ACSS3: variants seen among roughly 807,000 people sequenced by gnomAD.
The protein encoded by ACSS3 is acyl-CoA synthetase short chain family member 3, also known as acyl-CoA synthetase short-chain family member 3, mitochondrial.
In ACSS3, 64 loss-of-function variants were observed where a neutral mutation model predicts 84.2. The observed-to-expected ratio is 0.76, with a 90% confidence interval of 0.62 to 0.94. The LOEUF is 0.94. Among genes scored for constraint, ACSS3 ranks in the 40% least tolerant of loss-of-function variants. The pLI, the probability that ACSS3 is intolerant of heterozygous loss-of-function variation, is 0.00. For missense variants in ACSS3, 815 were observed against 867.6 expected (o/e 0.94, Z 0.76); for synonymous variants, 317 against 310.1 (o/e 1.02, Z -0.23).
rs190831728 is a variant in ACSS3, at chr12:81,142,348, A to C, written c.781-759A>C. 2.1e-4 allele frequency among the ~76,000 whole-genome samples: 32 copies of C among 152,324 alleles called. No homozygotes were observed. The East Asian group carries it at 6.0e-3, about 28-fold the overall frequency. On this transcript the variant is annotated intron_variant, in intron 4 of 15. Coordinates refer to ENST00000548058, the MANE Select transcript of ACSS3 (RefSeq NM_024560.4). ...TCTACTTAAATAGCTGTAATTCCCC[A>C]TCAGAGTAACTTTTCCATCAGCCAC...
chr12:81,253,536 A>C lies in ACSS3; in HGVS notation c.1861A>C (p.Lys621Gln). 6.2e-7 allele frequency: 1 copy of C among 1,613,940 alleles called. No homozygotes were observed. Among genetic ancestry groups the C allele is most frequent in the Non-Finnish European group, 8.5e-7 (1 of 1,179,906 alleles). Residue 621 changes from lysine (K) to glutamine (Q), a missense_variant, in exon 15 of 16, where the codon AAA (lysine) becomes CAA (glutamine). Coordinates refer to ENST00000548058, the MANE Select transcript of ACSS3 (RefSeq NM_024560.4). ...TEEQVLEEIV[K>Q]HVRQNIGPVA... ...GGAGCAAGTTTTGGAAGAAATTGTG[A>C]AACACGTTAGACAGAACATTGGCCC... is the stretch of plus-strand genomic sequence containing the variant.
intron 7 of ACSS3, among the ~76,000 whole-genome samples, chr12:81,166,929 T>C (rs1157108373): frequency 6.6e-6 from 1 of 152,192 alleles, no homozygotes; most frequent in African/African-American, 2.4e-5. Flanking sequence ...GTCTCATTAA[T>C]CACACTGAAT....
intron 1 of ACSS3, among the ~76,000 whole-genome samples, chr12:81,092,788 T>G (rs140026806): frequency 1.8e-4 from 27 of 152,334 alleles, no homozygotes; most frequent in African/African-American, 6.5e-4. Context: ...GGGAAACGTT[T>G]CATCTAGGAA....
intron 10 of ACSS3, among the ~76,000 whole-genome samples, chr12:81,219,440 T>C (rs936960112): frequency 2.0e-5 from 3 of 152,148 alleles, no homozygotes; most frequent in African/African-American, 7.2e-5. Context: ...ATATTTAGTT[T>C]GCACCAAGGG....
At chr12:81,221,884 G>T (rs902101132) in intron 11 of ACSS3, among the ~76,000 whole-genome samples, 1 of 152,132 alleles carries the variant, frequency 6.6e-6, no homozygotes, top group Admixed American at 6.6e-5. Context: ...TCCTAACTTT[G>T]TGAGTCATCT....
rs941459594 is a variant in ACSS3 at position 81,256,456 on chromosome 12, T to C, written c.*1534T>C. 6.6e-6 allele frequency: 1 copy of C among 152,158 alleles called. No homozygotes were observed. Among genetic ancestry groups the C allele is most frequent in the Non-Finnish European group, 1.5e-5 (1 of 68,022 alleles). The allele number at this position is 152,158 out of a possible 1,614,324, so 9.4% of individuals were successfully genotyped here. On this transcript the variant is annotated 3_prime_UTR_variant, in exon 16 of 16. Transcript: ENST00000548058. The stretch of plus-strand genomic sequence containing the variant: ...GATGTAGGAAATTAAATATTTGATT[T>C]ACTTAGGGATCTATATGACATCAGT...
intron 9 of ACSS3, among the ~76,000 whole-genome samples, chr12:81,208,418 C>T (rs556124584): frequency 1.3e-5 from 2 of 152,090 alleles, no homozygotes; most frequent in South Asian, 2.1e-4. Context: ...TTTCCTTTAA[C>T]TTTTGAGTCA....
chr12:81,258,860 A>G lies in ACSS3; in HGVS notation c.*3938A>G, dbSNP rs547112500. On this transcript the variant is annotated 3_prime_UTR_variant, in exon 16 of 16. Coordinates refer to ENST00000548058, the MANE Select transcript of ACSS3 (RefSeq NM_024560.4). ...TGGTTCTTAGTAAAGAAGTTTTTTTATCTTTTTTTTTTTCTTGGTCCACAG... is the reference window on the plus strand; with the variant it reads ...TGGTTCTTAGTAAAGAAGTTTTTTTGTCTTTTTTTTTTTCTTGGTCCACAG... The G allele has an allele frequency of 6.7e-6, 1 of 149,870 alleles. No homozygotes were observed. Among genetic ancestry groups the G allele is most frequent in the South Asian group, 2.1e-4 (1 of 4,808 alleles). 9.3% of individuals were successfully genotyped at this position (149,870 alleles called of 1,614,324 possible).
intron 1 of ACSS3, 56 bp from the exon 2 acceptor site, chr12:81,109,504 A>T (rs1883386361): frequency 1.9e-6 from 3 of 1,558,992 alleles, no homozygotes; most frequent in Non-Finnish European, 2.6e-6. Context: ...AACTTCATTA[A>T]GTGACAATAT....
chr12:81,143,113 G>T lies in ACSS3; in HGVS notation c.787G>T (p.Val263Phe), dbSNP rs148832122. ...TTATATTTTTGCTGTGTAGGAGGCG[G>T]TTCCTTTGGCTCCCGGTCGTGACCT... is the stretch of plus-strand genomic sequence containing the variant. ...LIYNRPNMEAVPLAPGRDLDW... is the reference protein window; with the variant it reads ...LIYNRPNMEAFPLAPGRDLDW... The change falls in exon 5 of 16, where the codon GTT becomes TTT. Residue 263 changes from valine to phenylalanine, a missense_variant. By Grantham distance (50) the Val-to-Phe change is conservative. Transcript: ENST00000548058. 1.9e-4 allele frequency: 314 copies of T among 1,611,882 alleles called. 2 individuals are homozygous for T. The highest frequency in any genetic ancestry group is 3.3e-4 in the Middle Eastern group (2 of 6,074).
chr12:81,177,384 G>T (rs1031470308), intron 8 of ACSS3, among the ~76,000 whole-genome samples: 9 of 152,134 alleles, frequency 5.9e-5, no homozygotes, highest in Non-Finnish European at 1.5e-5. Flanking sequence ...TCTCTTTGCA[G>T]ATAATATGAT....
chr12:81,122,664 A>C (rs542720418), intron 2 of ACSS3, among the ~76,000 whole-genome samples: 1 of 152,276 alleles, frequency 6.6e-6, no homozygotes, highest in African/African-American at 2.4e-5. Context: ...ACCTTTTCAA[A>C]CACTCATTTG....
At chr12:81,223,541 T>A (rs773491270) in intron 11 of ACSS3, among the ~76,000 whole-genome samples, 1 of 152,034 alleles carries the variant, frequency 6.6e-6, no homozygotes, top group East Asian at 1.9e-4. Context: ...ATTAGCCTTA[T>A]AACAGCACTA....
chr12:81,251,193 A>G (rs973401152), intron 13 of ACSS3, among the ~76,000 whole-genome samples: 1 of 152,168 alleles, frequency 6.6e-6, no homozygotes, highest in Non-Finnish European at 1.5e-5. Context: ...AAGACAATAT[A>G]AAGATCCATG....
intron 8 of ACSS3, among the ~76,000 whole-genome samples, chr12:81,195,539 C>G (rs2031786697): frequency 1.3e-5 from 2 of 152,002 alleles, no homozygotes; most frequent in South Asian, 4.2e-4. Context: ...CATTTGATTA[C>G]TTAAATTTTA....
intron 2 of ACSS3, among the ~76,000 whole-genome samples, chr12:81,120,546 A>G (rs1048334640): frequency 1.3e-5 from 2 of 152,224 alleles, no homozygotes; most frequent in African/African-American, 4.8e-5. Context: ...CTGAGTGGCT[A>G]AAGTGGTGCA....
intron 2 of ACSS3, among the ~76,000 whole-genome samples, chr12:81,131,067 C>T (rs1224259684): frequency 2.0e-5 from 3 of 152,158 alleles, no homozygotes; most frequent in Non-Finnish European, 2.9e-5. Context: ...AACGTGATGC[C>T]TCCAGCTTTG....
intron 11 of ACSS3, among the ~76,000 whole-genome samples, chr12:81,226,558 G>T (rs2033278558): frequency 6.6e-6 from 1 of 151,710 alleles, no homozygotes; most frequent in African/African-American, 2.4e-5. Flanking sequence ...GCCACAGGTT[G>T]CTAAAACTCA....
intron 5 of ACSS3, among the ~76,000 whole-genome samples, chr12:81,145,151 C>T (rs925509142): frequency 6.7e-6 from 1 of 148,722 alleles, no homozygotes; most frequent in South Asian, 2.1e-4. Flanking sequence ...CTCCTGACCT[C>T]GTGATCCACC....
Sources: allele counts gnomAD v4.1 joint callset (sites outside exome capture counted in the v4.1 genomes callset), GRCh38; gene constraint gnomAD v4.1.1; transcripts MANE v1.5; gene names NCBI Gene and HGNC (gene_info 2026-07-23, HGNC 2026-07-21).